The following JPH3 variants were observed in gnomAD, a reference collection of about 807,000 sequenced individuals.
JPH3 encodes junctophilin 3, also known as junctophilin-3.
In JPH3, 11 loss-of-function variants were observed where a neutral mutation model predicts 59.6. The ratio of observed to expected loss-of-function variants is 0.18; its 90% confidence interval spans 0.12 to 0.31. The LOEUF (loss-of-function observed/expected upper bound fraction) is 0.31. Ranked by LOEUF, JPH3 falls within the 10% of genes least tolerant of loss-of-function variation. JPH3 has a pLI of 1.00. For missense variants in JPH3, 1,202 were observed against 1,105.7 expected (o/e 1.09, Z -1.24); for synonymous variants, 673 against 483.6 (o/e 1.39, Z -5.14).
chr16:87,696,759 C>G lies in JPH3; in HGVS notation c.*99C>G. The G allele has an allele frequency of 1.1e-6, 1 of 941,952 alleles. No individual in the cohort carries two copies. Among genetic ancestry groups the G allele is most frequent in the South Asian group, 1.4e-5 (1 of 73,718 alleles). 58.3% of individuals were successfully genotyped at this position (941,952 alleles called of 1,614,324 possible). On this transcript the variant is annotated 3_prime_UTR_variant, in exon 5 of 5. Transcript: ENST00000284262. The stretch of plus-strand genomic sequence containing the variant: ...AAGGGAAAGACCGCAACTCGGACAG[C>G]CCAGCGACTTCCAAGTCCTCTCACA...
At chr16:87,680,468 C>T (rs940668477) in intron 2 of JPH3, among the ~76,000 whole-genome samples, 2 of 152,276 alleles carry the variant, frequency 1.3e-5, no homozygotes, top group African/African-American at 2.4e-5. Context: ...TGACTCAGAG[C>T]GGCTTGTGGG....
intron 2 of JPH3, among the ~76,000 whole-genome samples, chr16:87,655,678 T>C (rs747340229): frequency 3.3e-5 from 5 of 152,244 alleles, no homozygotes; most frequent in African/African-American, 2.4e-5. Flanking sequence ...TAATTTCCTG[T>C]ATTCCCTAAA....
chr16:87,645,497 C>A (rs1022673022), intron 2 of JPH3, among the ~76,000 whole-genome samples: 3 of 152,192 alleles, frequency 2.0e-5, no homozygotes, highest in African/African-American at 7.2e-5. Context: ...GATCTAGATT[C>A]TTCCGGGACC....
chr16:87,653,585 AT>A (rs1397457738), intron 2 of JPH3: 2 of 152,244 alleles, frequency 1.3e-5, no homozygotes, highest in Non-Finnish European at 2.9e-5. Flanking sequence ...TCTCATTAAA[AT>A]TATAACACAG....
rs554786278 is a variant in JPH3 at position 87,688,484 on chromosome 16, G to T, written c.1286-1162G>T. On this transcript the variant is annotated intron_variant, in intron 3 of 4. Coordinates refer to ENST00000284262, the MANE Select transcript of JPH3 (RefSeq NM_020655.4). ...GCCAAAAGGTCAGACTGGGGTACAGGCGTCTCCCAGACCTTCTCCTGCCAA... is the reference window on the plus strand; with the variant it reads ...GCCAAAAGGTCAGACTGGGGTACAGTCGTCTCCCAGACCTTCTCCTGCCAA... Among the ~76,000 whole-genome samples, 267 of 132,996 alleles carry T rather than the reference G, an allele frequency of 2.0e-3. 1 individual carries two copies. Among genetic ancestry groups the T allele is most frequent in the Middle Eastern group, 3.8e-3 (1 of 262 alleles). The allele number at this position is 132,996 out of a possible 152,430, so 87.3% of individuals were successfully genotyped here. A position where few individuals can be genotyped will look rare whatever the true frequency, so the allele number is the denominator to read the frequency against.
intron 3 of JPH3, among the ~76,000 whole-genome samples, chr16:87,688,481 C>T (rs771034120): frequency 3.8e-5 from 5 of 132,890 alleles, no homozygotes; most frequent in Non-Finnish European, 7.4e-5. Context: ...GACTGGGGTA[C>T]AGGCGTCTCC....
intron 1 of JPH3, among the ~76,000 whole-genome samples, chr16:87,636,839 G>A (rs1452682282): frequency 6.6e-6 from 1 of 152,224 alleles, no homozygotes; most frequent in Non-Finnish European, 1.5e-5. Flanking sequence ...AGGTGGGTGC[G>A]ATTGTCACCC....
intron 3 of JPH3, among the ~76,000 whole-genome samples, chr16:87,686,781 C>T (rs1409692427): frequency 6.6e-6 from 1 of 152,178 alleles, no homozygotes; most frequent in Non-Finnish European, 1.5e-5. Flanking sequence ...CCTTTTAAGT[C>T]CTGAAGCTGC....
intron 4 of JPH3, chr16:87,695,486 TG>T (rs1293766869): frequency 2.2e-6 from 1 of 454,360 alleles, no homozygotes; most frequent in Admixed American, 2.4e-5. Flanking sequence ...CTTACCACAG[TG>T]GGGTCTACAT....
intron 1 of JPH3, among the ~76,000 whole-genome samples, chr16:87,639,642 G>GCCTGGCCTCCCA (rs1555536479): frequency 1.3e-4 from 12 of 95,560 alleles, no homozygotes; most frequent in African/African-American, 3.9e-4. Flanking sequence ...CTGGCCTCCC[G>GCCTGGCCTCCCA]CCTGTCCTCC....
chr16:87,655,507 C>A (rs553713755), intron 2 of JPH3, among the ~76,000 whole-genome samples: 1 of 152,262 alleles, frequency 6.6e-6, no homozygotes, highest in South Asian at 2.1e-4. Flanking sequence ...CCGTGCACCA[C>A]CACGCCCAGC....
chr16:87,607,305 T>C (rs1168094420), intron 1 of JPH3, among the ~76,000 whole-genome samples: 1 of 151,934 alleles, frequency 6.6e-6, no homozygotes, highest in Middle Eastern at 3.2e-3. Flanking sequence ...CAATAAGCCC[T>C]CCTACACCCT....
intron 3 of JPH3, among the ~76,000 whole-genome samples, chr16:87,687,127 C>T (rs2033438037): frequency 6.6e-6 from 1 of 152,158 alleles, no homozygotes. Context: ...CATTCAGGAT[C>T]AGTGTTCCCA....
At chr16:87,618,759 G>A (rs2031065911) in intron 1 of JPH3, among the ~76,000 whole-genome samples, 1 of 152,112 alleles carries the variant, frequency 6.6e-6, no homozygotes, top group African/African-American at 2.4e-5. Context: ...TACATCTTTG[G>A]AGCAATGCCT....
intron 1 of JPH3, among the ~76,000 whole-genome samples, chr16:87,639,902 C>G (rs2031888415): frequency 1.3e-5 from 2 of 152,232 alleles, no homozygotes; most frequent in African/African-American, 4.8e-5. Flanking sequence ...CATTTTATCC[C>G]CGATGCCTTC....
chr16:87,679,775 C>A (rs754246315), intron 2 of JPH3, among the ~76,000 whole-genome samples: 1 of 152,240 alleles, frequency 6.6e-6, no homozygotes, highest in Non-Finnish European at 1.5e-5. Flanking sequence ...GCCGTGTCCT[C>A]TCTTACCCCA....
chr16:87,665,527 C>T (rs1190647933), intron 2 of JPH3, among the ~76,000 whole-genome samples: 1 of 152,228 alleles, frequency 6.6e-6, no homozygotes, highest in Non-Finnish European at 1.5e-5. Flanking sequence ...CCAAGGCCCC[C>T]CAACATTGTG....
intron 2 of JPH3, among the ~76,000 whole-genome samples, chr16:87,647,022 A>C (rs768628262): frequency 6.6e-6 from 1 of 152,170 alleles, no homozygotes; most frequent in Non-Finnish European, 1.5e-5. Flanking sequence ...AGCTGCTCCA[A>C]GGCAGGTTGT....
chr16:87,622,139 C>G (rs1052334258), intron 1 of JPH3, among the ~76,000 whole-genome samples: 1 of 152,136 alleles, frequency 6.6e-6, no homozygotes, highest in African/African-American at 2.4e-5. Context: ...TGCCTCAGAG[C>G]CAGCCGCATG....
Sources: gnomAD v4.1 joint callset for allele counts (sites outside exome capture counted in the v4.1 genomes callset) on GRCh38, gnomAD v4.1.1 for gene constraint, MANE v1.5 for transcripts, NCBI Gene and HGNC (gene_info 2026-07-23, HGNC 2026-07-21) for gene names.